KATNIP: variants seen among roughly 807,000 people sequenced by gnomAD.
KATNIP encodes the protein katanin interacting protein.
Under a neutral mutation model 174.0 loss-of-function variants are expected in KATNIP, and 126 were observed. The observed-to-expected ratio is 0.72, with a 90% confidence interval of 0.63 to 0.84. The LOEUF is 0.84. Among genes scored for constraint, KATNIP ranks in the 40% least tolerant of loss-of-function variants. The pLI is 0.00. For missense variants in KATNIP, 1,958 were observed against 2,109.7 expected (o/e 0.93, Z 1.41); for synonymous variants, 810 against 835.7 (o/e 0.97, Z 0.53).
At chr16:27,599,428 G>A (rs2075442859) in intron 2 of KATNIP, among the ~76,000 whole-genome samples, 1 of 152,168 alleles carries the variant, frequency 6.6e-6, no homozygotes, top group African/African-American at 2.4e-5. Context: ...CAGGAGAGTG[G>A]TGAGAGCAGA....
intron 6 of KATNIP, among the ~76,000 whole-genome samples, chr16:27,673,872 A>C (rs142684248): frequency 6.6e-6 from 1 of 152,338 alleles, no homozygotes; most frequent in African/African-American, 2.4e-5. Flanking sequence ...TCCAAGGTAC[A>C]TGAGGGCACT....
chr16:27,761,668 C>T (rs1188396113), intron 19 of KATNIP, 78 bp downstream of exon 19: 4 of 1,305,848 alleles, frequency 3.1e-6, no homozygotes, highest in East Asian at 4.6e-5. Context: ...ACTTCAGATT[C>T]AGACATCAAA....
intron 8 of KATNIP, among the ~76,000 whole-genome samples, chr16:27,697,498 G>A (rs895166421): frequency 5.3e-5 from 8 of 151,700 alleles, no homozygotes; most frequent in East Asian, 1.9e-4. Flanking sequence ...GTACACTGAC[G>A]CTTCCACCCT....
chr16:27,778,591 T>C lies in KATNIP; in HGVS notation c.4819T>C (p.Cys1607Arg). 1 of 1,613,654 alleles carries C rather than the reference T, an allele frequency of 6.2e-7. No homozygotes were observed. Among genetic ancestry groups the C allele is most frequent in the Non-Finnish European group, 8.5e-7 (1 of 1,179,756 alleles). ...CATGACAGCCTTACGTCCCAAAACC[T>C]GCATCAGCGAGAAGGAGACGAGACG... ...VVDPALRPKT[C>R]ISEKETRRRR... is the part of the protein sequence containing the mutation. The change falls in exon 28 of 28, where the codon TGC becomes CGC. Residue 1607 changes from cysteine to arginine, a missense_variant. Cys to Arg is a radical substitution (Grantham distance 180). Transcript: ENST00000261588.
intron 15 of KATNIP, among the ~76,000 whole-genome samples, chr16:27,744,865 A>G (rs1287716748): frequency 7.0e-6 from 1 of 142,370 alleles, no homozygotes. Context: ...GAGTAAGCCA[A>G]GATCACGCCA....
chr16:27,552,798 G>A (rs867422582), intron 1 of KATNIP, among the ~76,000 whole-genome samples: 1 of 150,732 alleles, frequency 6.6e-6, no homozygotes, highest in Non-Finnish European at 1.5e-5. Context: ...GGGTTCAAGC[G>A]ATTCTCCTGC....
intron 14 of KATNIP, among the ~76,000 whole-genome samples, chr16:27,731,755 A>G (rs919436898): frequency 2.0e-5 from 3 of 151,856 alleles, no homozygotes; most frequent in Admixed American, 6.6e-5. Context: ...AGTAGCTGGG[A>G]TTACATGTGT....
At chr16:27,605,916 G>A (rs747426755) in intron 2 of KATNIP, among the ~76,000 whole-genome samples, 1 of 152,306 alleles carries the variant, frequency 6.6e-6, no homozygotes, top group South Asian at 2.1e-4. Flanking sequence ...GATCACTTGA[G>A]TTCAGGAGTT....
chr16:27,661,672 C>A (rs2077478975), intron 6 of KATNIP, among the ~76,000 whole-genome samples: 1 of 151,470 alleles, frequency 6.6e-6, no homozygotes, highest in South Asian at 2.1e-4. Context: ...GGATTACAGG[C>A]GTGAGCCACT....
At chr16:27,684,812 G>C (rs180877651) in intron 8 of KATNIP, among the ~76,000 whole-genome samples, 13 of 152,266 alleles carry the variant, frequency 8.5e-5, no homozygotes, top group Admixed American at 8.5e-4. Context: ...GTGTCCAAAT[G>C]TGCCATTTTT....
rs764645690 is a variant in KATNIP at position 27,740,660 on chromosome 16, T to G, written c.2363T>G (p.Leu788Arg). The G allele has an allele frequency of 6.2e-7, 1 of 1,614,002 alleles. No individual in the cohort carries two copies. The highest frequency in any genetic ancestry group is 8.5e-7 in the Non-Finnish European group (1 of 1,179,990). ...AAGCCCCTGGCCTGGAAGGGCAGGC[T>G]CCCATCAGACGATGTCATCGGTGAG... ...PEKPLAWKGRLPSDDVIGEGP... is the reference protein window; with the variant it reads ...PEKPLAWKGRRPSDDVIGEGP... The change falls in exon 15 of 28, where the codon CTC becomes CGC. Residue 788 changes from leucine (L) to arginine (R), a missense_variant. Physicochemically the swap from Leu to Arg is moderately radical, Grantham distance 102. This residue lies in a region of KATNIP where 1,557 missense variants were observed against 1,617.8 expected (regional missense o/e 0.96). Transcript: ENST00000261588.
chr16:27,655,566 T>C (rs376494842), intron 6 of KATNIP, among the ~76,000 whole-genome samples: 69 of 152,062 alleles, frequency 4.5e-4, no homozygotes, highest in African/African-American at 1.5e-3. Flanking sequence ...TGTAAAACAA[T>C]TCACAAGAGA....
chr16:27,578,929 G>T (rs866005838), intron 2 of KATNIP, among the ~76,000 whole-genome samples: 18 of 152,252 alleles, frequency 1.2e-4, no homozygotes, highest in African/African-American at 4.1e-4. Context: ...CTTGAAGTCA[G>T]TAGGTAATTT....
intron 15 of KATNIP, 103 bp downstream of exon 15, chr16:27,741,023 C>A: frequency 1.7e-6 from 2 of 1,202,744 alleles, no homozygotes; most frequent in Non-Finnish European, 2.3e-6. Flanking sequence ...ATCTGCACAA[C>A]AAGATGGTTG....
intron 12 of KATNIP, among the ~76,000 whole-genome samples, chr16:27,707,212 A>G (rs571017305): frequency 1.1e-3 from 160 of 152,290 alleles, no homozygotes; most frequent in African/African-American, 3.6e-3. Flanking sequence ...TCACAGAACC[A>G]TTGCAGATTA....
intron 6 of KATNIP, among the ~76,000 whole-genome samples, chr16:27,661,951 T>C (rs1319757782): frequency 1.5e-5 from 1 of 66,232 alleles, no homozygotes; most frequent in Admixed American, 2.0e-4. Context: ...TATATATATA[T>C]ATATACACAT....
In KATNIP at chr16:27,777,012, G is replaced by A; in HGVS notation, c.4534G>A (p.Gly1512Arg). The A allele has an allele frequency of 6.2e-7, 1 of 1,612,130 alleles. No homozygotes were observed. Among genetic ancestry groups the A allele is most frequent in the Non-Finnish European group, 8.5e-7 (1 of 1,178,146 alleles). Reference sequence around the variant, plus strand: ...GAATTATGCGAAAACACCCCATCGAGGGGTGAAGGAGTTTGGCGTAAGTAC... The same window carrying A: ...GAATTATGCGAAAACACCCCATCGAAGGGTGAAGGAGTTTGGCGTAAGTAC... ...LWNYAKTPHR[G>R]VKEFGLLVDD... The change falls in exon 25 of 28, where the codon GGG (glycine) becomes AGG (arginine). Residue 1512 changes from glycine to arginine, a missense_variant. Gly to Arg is a moderately radical substitution (Grantham distance 125, BLOSUM62 -2). This residue lies in a region of KATNIP where 383 missense variants were observed against 456.0 expected (regional missense o/e 0.84). Transcript: ENST00000261588. The surrounding 1 kb of genome is among the most constrained non-coding windows in gnomAD (Gnocchi z 4.4).
intron 3 of KATNIP, among the ~76,000 whole-genome samples, chr16:27,619,964 G>A (rs1172521688): frequency 6.6e-6 from 1 of 152,164 alleles, no homozygotes; most frequent in Non-Finnish European, 1.5e-5. Context: ...CTGGCAGACT[G>A]GATGGTGCCA....
rs570413055 is a variant in KATNIP at position 27,712,854 on chromosome 16, G to A, written c.1605+3934G>A. Reference sequence around the variant, plus strand: ...AGGGTCTTGCTCTGTTGCCCAGGCTGGAGAGCAGTGGTGCAGTCATTGTTC... The same window carrying A: ...AGGGTCTTGCTCTGTTGCCCAGGCTAGAGAGCAGTGGTGCAGTCATTGTTC... On this transcript the variant is annotated intron_variant, in intron 13 of 27. Transcript: ENST00000261588. 1.3e-3 allele frequency among the ~76,000 whole-genome samples: 191 copies of A among 152,242 alleles called. 1 individual carries two copies. The highest frequency in any genetic ancestry group is 3.4e-3 in the African/African-American group (142 of 41,540).
Sources: gnomAD v4.1 joint callset for allele counts (sites outside exome capture counted in the v4.1 genomes callset) on GRCh38, gnomAD v4.1.1 for gene constraint, gnomAD v4.1.1 regional missense constraint, Gnocchi (gnomAD v3.1) non-coding constraint, MANE v1.5 for transcripts, NCBI Gene and HGNC (gene_info 2026-07-23, HGNC 2026-07-21) for gene names.